The following FAM98C variants were observed in gnomAD, a reference collection of about 807,000 sequenced individuals.
FAM98C encodes tRNA splicing ligase complex subunit 3C.
FAM98C carries 38 observed loss-of-function variants against 41.1 expected under a neutral mutation model. That is an observed-to-expected ratio of 0.92 (90% CI 0.71 to 1.21). FAM98C has a LOEUF of 1.21. Ranked by LOEUF, FAM98C falls within the 50% of genes most tolerant of loss-of-function variation. The probability of loss-of-function intolerance (pLI) is 0.00; values close to 1 mark genes in which losing one functional copy is unlikely to be tolerated. For missense variants in FAM98C, 493 were observed against 484.7 expected (o/e 1.02, Z -0.16); for synonymous variants, 195 against 216.7 (o/e 0.90, Z 0.88).
At chr19:38,408,648 C>A in intron 7 of FAM98C, 103 bp from the exon 8 acceptor site, 1 of 1,478,708 alleles carries the variant, frequency 6.8e-7, no homozygotes, top group Admixed American at 1.7e-5. Flanking sequence ...AAATAGTCAA[C>A]ATCTGCTGTT....
In FAM98C at chr19:38,403,427, C is replaced by T; in HGVS notation, c.155C>T (p.Thr52Met). The change falls in exon 2 of 8, where the codon ACG (threonine) becomes ATG (methionine). Residue 52 changes from threonine (T) to methionine (M), a missense_variant. By Grantham distance (81) the Thr-to-Met change is moderately conservative (BLOSUM62 -1). Transcript: ENST00000252530. ...LCVRLAAELA[T>M]LGALEQQREA... Reference sequence around the variant, plus strand: ...GTGCGGCTGGCGGCGGAGCTGGCGACGCTGGGCGCCCTCGAGCAGCAGCGA... The same window carrying T: ...GTGCGGCTGGCGGCGGAGCTGGCGATGCTGGGCGCCCTCGAGCAGCAGCGA... 5 of 1,424,428 alleles carry T rather than the reference C, an allele frequency of 3.5e-6. No individual in the cohort carries two copies. The highest frequency in any genetic ancestry group is 1.5e-5 in the South Asian group (1 of 68,816). The allele number at this position is 1,424,428 out of a possible 1,614,324, so 88.2% of individuals were successfully genotyped here. A position where few individuals can be genotyped will look rare whatever the true frequency, so the allele number is the denominator to read the frequency against.
At position 38,403,458 on chromosome 19, in the gene FAM98C, G is replaced by C. The variant is rs1240863524; in HGVS notation, c.186G>C (p.Ala62=). The change falls in exon 2 of 8, where the codon GCG becomes GCC. Residue 62 remains alanine (A), a synonymous_variant. Coordinates refer to ENST00000252530, the MANE Select transcript of FAM98C (RefSeq NM_174905.4). ...GCGCCCTCGAGCAGCAGCGAGAGGC[G>C]GGCGCGGAGGTGCTGAGCGCCGGCG... ...TLGALEQQRE[A]GAEVLSAGDG... The C allele has an allele frequency of 7.1e-7, 1 of 1,404,800 alleles. No individual in the cohort carries two copies. Among genetic ancestry groups the C allele is most frequent in the Non-Finnish European group, 9.2e-7 (1 of 1,090,898 alleles). The allele number at this position is 1,404,800 out of a possible 1,614,324, so 87.0% of individuals were successfully genotyped here. A position where few individuals can be genotyped will look rare whatever the true frequency, so the allele number is the denominator to read the frequency against.
In FAM98C at chr19:38,403,640, G is replaced by T. The variant is rs780308185; in HGVS notation, c.295G>T (p.Gly99Cys). ...ELHCPDRALC[G>C]GDGAAALREP... Reference sequence around the variant, plus strand: ...GCACTGCCCGGATCGCGCGCTCTGCGGCGGGGATGGCGCGGCTGCGCTTCG... The same window carrying T: ...GCACTGCCCGGATCGCGCGCTCTGCTGCGGGGATGGCGCGGCTGCGCTTCG... Residue 99 changes from glycine (G) to cysteine (C), a missense_variant, in exon 3 of 8, where the codon GGC becomes TGC. Coordinates refer to ENST00000252530, the MANE Select transcript of FAM98C (RefSeq NM_174905.4). 4 of 1,415,496 alleles carry T rather than the reference G, an allele frequency of 2.8e-6. No individual in the cohort carries two copies. The highest frequency in any genetic ancestry group is 3.4e-5 in the Admixed American group (1 of 29,496). 87.7% of individuals were successfully genotyped at this position (1,415,496 alleles called of 1,614,324 possible). A position where few individuals can be genotyped will look rare whatever the true frequency, so the allele number is the denominator to read the frequency against.
Position 38,406,919 on chromosome 19 carries a change from G to A in FAM98C, c.760G>A (p.Glu254Lys). ...HWSDRAEAQG[E>K]AMRAVLIPIR... is the part of the protein sequence containing the mutation. ...CTCCTCCCCACTCCAGGCCCAAGGA[G>A]AGGCCATGAGGGCAGTGCTGATCCC... The change falls in exon 7 of 8, where the codon GAG becomes AAG. Residue 254 changes from glutamate (E) to lysine (K), a missense_variant. Physicochemically the swap from Glu to Lys is moderately conservative, Grantham distance 56. Coordinates refer to ENST00000252530, the MANE Select transcript of FAM98C (RefSeq NM_174905.4). 2 of 1,614,048 alleles carry A rather than the reference G, an allele frequency of 1.2e-6. No individual in the cohort carries two copies. Among genetic ancestry groups the A allele is most frequent in the East Asian group, 2.2e-5 (1 of 44,880 alleles).
At chr19:38,403,313 C>A in intron 1 of FAM98C, 25 bp from the exon 2 acceptor site, 1 of 1,489,300 alleles carries the variant, frequency 6.7e-7, no homozygotes, top group Non-Finnish European at 8.8e-7. Context: ...ATCCCCGCCC[C>A]CTCCCGCTGC....
At chr19:38,408,621 C>A in intron 7 of FAM98C, 130 bp from the exon 8 acceptor site, 1 of 1,204,372 alleles carries the variant, frequency 8.3e-7, no homozygotes, top group African/African-American at 1.5e-5. Flanking sequence ...GTCCCCCCTC[C>A]CCCAGCCACT....
Position 38,408,808 on chromosome 19 carries a change from A to C in FAM98C, c.976A>C (p.Met326Leu), listed in dbSNP as rs371810386. ...CCGCCCAAATGAGCTGGAGCCTCCC[A>C]TGCCCACCTGGAGGAGCCGAAGAGA... ...GGRPNELEPP[M>L]PTWRSRREDG... Residue 326 changes from methionine to leucine, a missense_variant, in exon 8 of 8, where the codon ATG becomes CTG. Met to Leu is a conservative substitution (Grantham distance 15). Coordinates refer to ENST00000252530, the MANE Select transcript of FAM98C (RefSeq NM_174905.4). The C allele has an allele frequency of 6.2e-7, 1 of 1,613,314 alleles. No individual in the cohort carries two copies. The highest frequency in any genetic ancestry group is 1.7e-5 in the Admixed American group (1 of 59,838).
rs1280254657 is a variant in FAM98C at position 38,403,110 on chromosome 19, A to G, written c.-44A>G. 1.3e-6 allele frequency: 2 copies of G among 1,485,732 alleles called. No individual in the cohort carries two copies. The highest frequency in any genetic ancestry group is 1.8e-6 in the Non-Finnish European group (2 of 1,133,234). The allele number at this position is 1,485,732 out of a possible 1,614,324, so 92.0% of individuals were successfully genotyped here. On this transcript the variant is annotated 5_prime_UTR_variant, in exon 1 of 8. Coordinates refer to ENST00000252530, the MANE Select transcript of FAM98C (RefSeq NM_174905.4). ...CGTGCGCGCGGCGCTTTTGGGGCGG[A>G]GCCTGCCACCGGCCGCCAGGGGGCG...
chr19:38,407,602 C>G (rs1416108488), intron 7 of FAM98C: 1 of 153,670 alleles, frequency 6.5e-6, no homozygotes, highest in Non-Finnish European at 1.4e-5. Flanking sequence ...AACTCCTGAC[C>G]TTGTGATCTA....
At chr19:38,403,847 G>A (rs1331604290) in intron 3 of FAM98C, among the ~76,000 whole-genome samples, 153 bp downstream of exon 3, 2 of 152,110 alleles carry the variant, frequency 1.3e-5, no homozygotes, top group Non-Finnish European at 2.9e-5. Flanking sequence ...GTTGGGGCAA[G>A]CAGAGCGCTC....
chr19:38,407,724 C>G (rs1253351340), intron 7 of FAM98C: 1 of 151,872 alleles, frequency 6.6e-6, no homozygotes, highest in Admixed American at 6.6e-5. Context: ...GTGGCTCACG[C>G]CTGTAATCCC....
At chr19:38,407,960 C>G (rs1971071257) in intron 7 of FAM98C, 1 of 152,144 alleles carries the variant, frequency 6.6e-6, no homozygotes, top group Non-Finnish European at 1.5e-5. Flanking sequence ...TGCACTCCAG[C>G]CTGGGCGACA....
At chr19:38,404,010 C>T (rs1971004583) in intron 3 of FAM98C, among the ~76,000 whole-genome samples, 1 of 152,158 alleles carries the variant, frequency 6.6e-6, no homozygotes, top group Non-Finnish European at 1.5e-5. Context: ...AAGTGATTCT[C>T]TTGCCTCAGC....
Position 38,409,018 on chromosome 19 carries a change from T to A in FAM98C, c.*136T>A. 1 of 879,444 alleles carries A rather than the reference T, an allele frequency of 1.1e-6. No homozygotes were observed. Among genetic ancestry groups the A allele is most frequent in the South Asian group, 2.0e-5 (1 of 49,566 alleles). 54.5% of individuals were successfully genotyped at this position (879,444 alleles called of 1,614,324 possible). On this transcript the variant is annotated 3_prime_UTR_variant, in exon 8 of 8. Transcript: ENST00000252530. ...CATCTCCTATTCCTGAGTCCCCAAA[T>A]GCCCTGCTCCCATTCACGTCAATAC... is the stretch of plus-strand genomic sequence containing the variant.
chr19:38,404,537 C>CT (rs968090593), intron 3 of FAM98C, among the ~76,000 whole-genome samples: 8 of 151,538 alleles, frequency 5.3e-5, no homozygotes, highest in Non-Finnish European at 1.0e-4. Context: ...CCGGTGGAGC[C>CT]TCTTTTTTTT....
chr19:38,405,835 G>T, intron 6 of FAM98C, 200 bp downstream of exon 6: 1 of 579,046 alleles, frequency 1.7e-6, no homozygotes, highest in Non-Finnish European at 3.1e-6. Context: ...TGAGCTGGCA[G>T]TATATTCAGA....
intron 7 of FAM98C, 21 bp from the exon 8 acceptor site, chr19:38,408,730 T>A: frequency 6.2e-7 from 1 of 1,613,980 alleles, no homozygotes; most frequent in Non-Finnish European, 8.5e-7. Flanking sequence ...TCTCTGCAAC[T>A]CAAATCTCAT....
At position 38,408,597 on chromosome 19, in the gene FAM98C, C is replaced by T. The variant is rs2145180464; in HGVS notation, c.919-154C>T. ...GAAAAAAGAAAGCTCATGCTAGTAT[C>T]TTCCACCAGTTCAGTCCCCCCTCCC... On this transcript the variant is annotated intron_variant, in intron 7 of 7. Transcript: ENST00000252530. 3 of 900,500 alleles carry T rather than the reference C, an allele frequency of 3.3e-6. No individual in the cohort carries two copies. In the South Asian group the frequency reaches 4.7e-5, roughly 14 times the overall value. 55.8% of individuals were successfully genotyped at this position (900,500 alleles called of 1,614,324 possible).
At chr19:38,404,765 G>A (rs539407302) in intron 3 of FAM98C, 143 bp from the exon 4 acceptor site, 482 of 843,644 alleles carry the variant, frequency 5.7e-4, no homozygotes, top group Non-Finnish European at 9.0e-4. Context: ...TCCTGACCTC[G>A]TGATCCGCCC....
Sources: gnomAD v4.1 joint callset for allele counts (sites outside exome capture counted in the v4.1 genomes callset) on GRCh38, gnomAD v4.1.1 for gene constraint, MANE v1.5 for transcripts, NCBI Gene and HGNC (gene_info 2026-07-23, HGNC 2026-07-21) for gene names.